DISC1: variants seen among roughly 807,000 people sequenced by gnomAD.
The protein encoded by DISC1 is disrupted in schizophrenia 1 protein.
A neutral mutation model predicts 84.5 loss-of-function variants in DISC1; 57 were observed. That is an observed-to-expected ratio of 0.67 (90% confidence interval 0.55 to 0.84). DISC1 has a LOEUF of 0.84. Ranked by LOEUF, DISC1 falls within the 40% of genes least tolerant of loss-of-function variation. DISC1 has a pLI of 0.00. For missense variants in DISC1, 1,000 were observed against 1,057.8 expected, an observed-to-expected ratio of 0.95 and a Z score of 0.76; for synonymous variants, 411 against 415.2, an observed-to-expected ratio of 0.99 and a Z score of 0.12.
Position 231,991,243 on chromosome 1 carries a change from T to C in DISC1, c.2043-17542T>C, listed in dbSNP as rs1665160549. On this transcript the variant is annotated intron_variant, in intron 10 of 12. Transcript: ENST00000439617. ...TTTCCATTCCACTCTTGGCATTTATTAGCGAGCCCTCTTCGGGAAGCCGTA... is the reference window on the plus strand; with the variant it reads ...TTTCCATTCCACTCTTGGCATTTATCAGCGAGCCCTCTTCGGGAAGCCGTA... Among the ~76,000 whole-genome samples, 6 of 152,374 alleles carry C rather than the reference T, an allele frequency of 3.9e-5. No individual in the cohort carries two copies. In the South Asian group the frequency reaches 1.2e-3, roughly 32 times the overall value.
chr1:231,663,619 C>G (rs1431460251), intron 1 of DISC1, among the ~76,000 whole-genome samples: 3 of 152,202 alleles, frequency 2.0e-5, no homozygotes, highest in African/African-American at 4.8e-5. Flanking sequence ...AAGCTCCATC[C>G]CCACTAGGAA....
chr1:231,717,431 G>C (rs908788926), intron 3 of DISC1, among the ~76,000 whole-genome samples: 5 of 152,106 alleles, frequency 3.3e-5, no homozygotes, highest in African/African-American at 4.8e-5. Context: ...TCTGGAGTCT[G>C]GAGCCTTGCT....
At chr1:231,857,222 G>A (rs2084333955) in intron 9 of DISC1, among the ~76,000 whole-genome samples, 1 of 152,160 alleles carries the variant, frequency 6.6e-6, no homozygotes, top group Non-Finnish European at 1.5e-5. Context: ...GGCTCTAGGG[G>A]ACCCTCCAGA....
chr1:231,881,774 G>GA (rs57943915), intron 9 of DISC1, among the ~76,000 whole-genome samples: 131,665 of 152,110 alleles, frequency 0.87, 57,205 homozygotes, highest in East Asian at 1. Context: ...CAGAGCCAGT[G>GA]AAATGTTCTC....
At position 231,626,907 on chromosome 1, in the gene DISC1, G is replaced by GCC; in HGVS notation, c.40_41insCC (p.Gly14AlafsTer6). Reference sequence around the variant, plus strand: ...TCCTCAGGGCGCCCCAGCCGCCGCCGGCGGCGGCGGCGTGAGCCACCGCGC... The same window carrying GCC: ...TCCTCAGGGCGCCCCAGCCGCCGCCGCCGCGGCGGCGGCGTGAGCCACCGCGC... On this transcript the variant is annotated frameshift_variant, in exon 1 of 13. Transcript: ENST00000439617. LOFTEE classifies it high-confidence loss of function. The GCC allele has an allele frequency of 6.7e-7, 1 of 1,495,058 alleles. No homozygotes were observed. The highest frequency in any genetic ancestry group is 8.9e-7 in the Non-Finnish European group (1 of 1,129,876). The allele number at this position is 1,495,058 out of a possible 1,614,324, so 92.6% of individuals were successfully genotyped here. A position where few individuals can be genotyped will look rare whatever the true frequency, so the allele number is the denominator to read the frequency against.
intron 9 of DISC1, among the ~76,000 whole-genome samples, chr1:231,923,307 C>CAAAAA (rs1461560372): frequency 7.2e-6 from 1 of 138,564 alleles, no homozygotes; most frequent in African/African-American, 2.7e-5. Context: ...CAAAAAAAAC[C>CAAAAA]AAAAAAAAAA....
At chr1:231,834,532 G>A (rs887193009) in intron 9 of DISC1, among the ~76,000 whole-genome samples, 9 of 152,262 alleles carry the variant, frequency 5.9e-5, no homozygotes, top group Non-Finnish European at 7.3e-5. Context: ...TGAACGTGCC[G>A]TTTTCTGGCT....
At chr1:231,921,662 C>T (rs2090020497) in intron 9 of DISC1, among the ~76,000 whole-genome samples, 1 of 152,126 alleles carries the variant, frequency 6.6e-6, no homozygotes, top group African/African-American at 2.4e-5. Flanking sequence ...CCTTTCTGCT[C>T]CTCTCCCCAG....
At chr1:231,951,351 G>A (rs1297369746) in intron 9 of DISC1, among the ~76,000 whole-genome samples, 1 of 152,182 alleles carries the variant, frequency 6.6e-6, no homozygotes, top group African/African-American at 2.4e-5. Context: ...AGTCCATCTA[G>A]TGATCATAAT....
chr1:231,990,834 TA>T (rs897204214), intron 10 of DISC1, among the ~76,000 whole-genome samples: 2 of 152,224 alleles, frequency 1.3e-5, no homozygotes, highest in Non-Finnish European at 2.9e-5. Flanking sequence ...CTCCTGCTCC[TA>T]ACTTTGTCAT....
At chr1:231,807,511 C>T (rs1459166362) in intron 8 of DISC1, among the ~76,000 whole-genome samples, 1 of 152,220 alleles carries the variant, frequency 6.6e-6, no homozygotes. Flanking sequence ...AAAAAATGGA[C>T]CCTCATTCAT....
At chr1:231,641,288 G>C (rs917989920) in intron 1 of DISC1, among the ~76,000 whole-genome samples, 7 of 152,074 alleles carry the variant, frequency 4.6e-5, no homozygotes, top group African/African-American at 1.7e-4. Context: ...TGTTCCTTCT[G>C]ATGTTCGGAT....
intron 10 of DISC1, among the ~76,000 whole-genome samples, chr1:231,965,459 C>T (rs1660963749): frequency 6.6e-6 from 1 of 152,206 alleles, no homozygotes; most frequent in African/African-American, 2.4e-5. Flanking sequence ...TCACTACTAC[C>T]TGCAACTTGG....
chr1:231,734,428 G>A (rs571351114), intron 3 of DISC1, among the ~76,000 whole-genome samples: 1 of 152,070 alleles, frequency 6.6e-6, no homozygotes, highest in Non-Finnish European at 1.5e-5. Flanking sequence ...TGTTTTCTGT[G>A]TTGTCTATAA....
intron 9 of DISC1, among the ~76,000 whole-genome samples, chr1:231,894,160 G>A (rs1289686945): frequency 1.3e-5 from 2 of 152,124 alleles, no homozygotes; most frequent in Non-Finnish European, 2.9e-5. Context: ...TGGTCCCAGA[G>A]TAAAGATATA....
At chr1:231,988,280 A>G (rs1664735493) in intron 10 of DISC1, among the ~76,000 whole-genome samples, 1 of 152,224 alleles carries the variant, frequency 6.6e-6, no homozygotes, top group African/African-American at 2.4e-5. Context: ...AAAAATGCAG[A>G]ATCTCAGGCA....
chr1:231,784,505 T>G (rs1376445065), intron 6 of DISC1, among the ~76,000 whole-genome samples: 7 of 152,232 alleles, frequency 4.6e-5, no homozygotes, highest in African/African-American at 1.7e-4. Context: ...TTTTACTTAA[T>G]GTCCTTAGCC....
chr1:231,928,551 T>G (rs752983454), intron 9 of DISC1, among the ~76,000 whole-genome samples: 4 of 152,210 alleles, frequency 2.6e-5, no homozygotes, highest in African/African-American at 4.8e-5. Flanking sequence ...GTGTCTCTTA[T>G]CTCCTTCAGT....
At chr1:231,695,488 A>G (rs964333866) in intron 2 of DISC1, among the ~76,000 whole-genome samples, 2 of 152,088 alleles carry the variant, frequency 1.3e-5, no homozygotes, top group Admixed American at 6.5e-5. Flanking sequence ...GGGTTCCTCT[A>G]CCCACAAAAG....
Sources: allele counts gnomAD v4.1 joint callset (sites outside exome capture counted in the v4.1 genomes callset), GRCh38; gene constraint gnomAD v4.1.1; transcripts MANE v1.5; gene names NCBI Gene and HGNC (gene_info 2026-07-23, HGNC 2026-07-21).